BLK: variants seen among roughly 807,000 people sequenced by gnomAD.
BLK encodes the protein tyrosine-protein kinase Blk.
BLK carries 64 observed loss-of-function variants against 61.8 expected under a neutral mutation model. The ratio of observed to expected loss-of-function variants is 1.03; its 90% CI spans 0.85 to 1.27. The LOEUF is 1.27. Ranked by LOEUF, BLK falls within the 50% of genes most tolerant of loss-of-function variation. The probability of loss-of-function intolerance (pLI) is 0.00; values close to 1 mark genes in which losing one functional copy is unlikely to be tolerated. For synonymous variants in BLK, 351 were observed against 272.0 expected, an observed-to-expected ratio of 1.29 and a Z score of -2.86; for missense variants, 853 against 660.5, an observed-to-expected ratio of 1.29 and a Z score of -3.19.
chr8:11,498,492 ACT>A (rs1798438138), intron 1 of BLK, among the ~76,000 whole-genome samples: 1 of 152,226 alleles, frequency 6.6e-6, no homozygotes, highest in African/African-American at 2.4e-5. Context: ...ATCTAGGAAG[ACT>A]ACTTTAATTT....
chr8:11,552,726 G>A (rs1162441144), intron 6 of BLK: 2 of 152,298 alleles, frequency 1.3e-5, no homozygotes, highest in Admixed American at 6.5e-5. Flanking sequence ...TAAGGTGAAA[G>A]CCTCCCCACC....
At chr8:11,534,107 T>C (rs1427558395) in intron 1 of BLK, among the ~76,000 whole-genome samples, 2 of 152,228 alleles carry the variant, frequency 1.3e-5, no homozygotes, top group African/African-American at 2.4e-5. Flanking sequence ...GGGGCTGGGG[T>C]TGGGAGTCTG....
At chr8:11,540,253 G>A (rs1378846678) in intron 1 of BLK, among the ~76,000 whole-genome samples, 1 of 151,832 alleles carries the variant, frequency 6.6e-6, no homozygotes, top group African/African-American at 2.4e-5. Flanking sequence ...AAGGTAAATA[G>A]TCATTTTCCT....
intron 1 of BLK, among the ~76,000 whole-genome samples, chr8:11,498,011 C>T (rs1221954862): frequency 2.0e-5 from 3 of 152,204 alleles, no homozygotes; most frequent in Admixed American, 2.0e-4. Flanking sequence ...GACGAGGCTC[C>T]TCCTTGTCCA....
At chr8:11,551,288 G>T (rs773464855) in intron 6 of BLK, among the ~76,000 whole-genome samples, 1 of 152,074 alleles carries the variant, frequency 6.6e-6, no homozygotes, top group Non-Finnish European at 1.5e-5. Flanking sequence ...GGAAGTCCAC[G>T]ACCAAAGTGT....
chr8:11,547,552 A>G (rs1367757626), intron 3 of BLK, among the ~76,000 whole-genome samples: 1 of 152,222 alleles, frequency 6.6e-6, no homozygotes, highest in East Asian at 1.9e-4. Context: ...CTCTGGGCAC[A>G]GACAGTGGAG....
chr8:11,504,056 G>A (rs1423130378), intron 1 of BLK, among the ~76,000 whole-genome samples: 1 of 152,200 alleles, frequency 6.6e-6, no homozygotes, highest in Admixed American at 6.5e-5. Context: ...AGGCACAGTG[G>A]CACACACCTG....
intron 1 of BLK, among the ~76,000 whole-genome samples, chr8:11,504,989 T>A (rs7004924): frequency 0.022 from 3,272 of 151,984 alleles, 133 homozygotes; most frequent in African/African-American, 0.072. Context: ...CACAGACACA[T>A]AGATACAGAC....
chr8:11,546,653 G>A (rs1321144356), intron 3 of BLK, among the ~76,000 whole-genome samples: 9 of 152,130 alleles, frequency 5.9e-5, no homozygotes, highest in Non-Finnish European at 1.2e-4. Context: ...TCAGCTCACT[G>A]CAACCTCCAC....
At position 11,563,127 on chromosome 8, in the gene BLK, G is replaced by A. The variant is rs769852079; in HGVS notation, c.1312+17G>A. ...CATACCCAGGTAGGTGGCTCACCCCGCAGCTCGCGGCTCCCTGCTTTCCCG... is the reference window on the plus strand; with the variant it reads ...CATACCCAGGTAGGTGGCTCACCCCACAGCTCGCGGCTCCCTGCTTTCCCG... On this transcript the variant is annotated intron_variant, in intron 12 of 12. Coordinates refer to ENST00000259089, the MANE Select transcript of BLK (RefSeq NM_001715.3). The A allele has an allele frequency of 8.7e-6, 14 of 1,613,064 alleles. 1 individual carries two copies. The highest frequency in any genetic ancestry group is 5.0e-5 in the Admixed American group (3 of 60,002).
At chr8:11,528,594 G>C (rs1298030494) in intron 1 of BLK, among the ~76,000 whole-genome samples, 1 of 152,164 alleles carries the variant, frequency 6.6e-6, no homozygotes. Flanking sequence ...TCTTCCTGCT[G>C]ACAGGGGGCA....
At chr8:11,536,911 C>A (rs1001150834) in intron 1 of BLK, among the ~76,000 whole-genome samples, 1 of 152,204 alleles carries the variant, frequency 6.6e-6, no homozygotes, top group Admixed American at 6.5e-5. Context: ...GAATCGGGTG[C>A]ATGCCTTTCC....
chr8:11,498,471 C>T (rs1478887), intron 1 of BLK, among the ~76,000 whole-genome samples: 98,832 of 152,152 alleles, frequency 0.65, 33,874 homozygotes, highest in Admixed American at 0.76. Flanking sequence ...TTTGGAATCA[C>T]ACAGTCAAAT....
At chr8:11,553,671 C>T in intron 6 of BLK, 1 of 171,382 alleles carries the variant, frequency 5.8e-6, no homozygotes, top group South Asian at 1.3e-4. Context: ...TGCACCCGGG[C>T]AGGGTCGGGG....
chr8:11,502,476 G>A (rs1798600474), intron 1 of BLK, among the ~76,000 whole-genome samples: 1 of 151,880 alleles, frequency 6.6e-6, no homozygotes, highest in Admixed American at 6.6e-5. Flanking sequence ...GCTAATTTTT[G>A]TATTTTAAGT....
chr8:11,524,672 G>A (rs6992127), intron 1 of BLK, among the ~76,000 whole-genome samples: 1,736 of 152,288 alleles, frequency 0.011, 25 homozygotes, highest in African/African-American at 0.039. Flanking sequence ...AAGAGAAAGG[G>A]CATGAGCAAA....
At chr8:11,544,882 T>C (rs1458758687) in intron 2 of BLK, among the ~76,000 whole-genome samples, 1 of 152,206 alleles carries the variant, frequency 6.6e-6, no homozygotes, top group Non-Finnish European at 1.5e-5. Context: ...CGCACACTTG[T>C]ATAGCCACCT....
chr8:11,556,367 G>A (rs1370010874), intron 8 of BLK: 6 of 464,482 alleles, frequency 1.3e-5, no homozygotes, highest in Non-Finnish European at 2.4e-5. Context: ...GGAGGGGTGG[G>A]GGAAGGACAC....
At chr8:11,554,721 TG>T in intron 6 of BLK, 21 bp from the exon 7 acceptor site, 1 of 1,612,148 alleles carries the variant, frequency 6.2e-7, no homozygotes, top group Non-Finnish European at 8.5e-7. Flanking sequence ...ACTTCTCGTG[TG>T]TGTCTTCATG....
Sources: allele counts gnomAD v4.1 joint callset (sites outside exome capture counted in the v4.1 genomes callset), GRCh38; gene constraint gnomAD v4.1.1; transcripts MANE v1.5; gene names NCBI Gene and HGNC (gene_info 2026-07-23, HGNC 2026-07-21).